DNAI2: variants seen among roughly 807,000 people sequenced by gnomAD.
The protein encoded by DNAI2 is dynein axonemal intermediate chain 2, also known as dynein, axonemal, intermediate polypeptide 2.
In DNAI2, 63 loss-of-function variants were observed where a neutral mutation model predicts 74.7. That is an observed-to-expected ratio of 0.84 (90% CI 0.69 to 1.04). DNAI2 has a LOEUF of 1.04. Among genes scored for constraint, DNAI2 ranks in the 50% least tolerant of loss-of-function variants. DNAI2 has a pLI of 0.00. For missense variants in DNAI2, 688 were observed against 803.2 expected, an observed-to-expected ratio of 0.86 and a Z score of 1.73; for synonymous variants, 289 against 314.9, an observed-to-expected ratio of 0.92 and a Z score of 0.87.
rs144755154 is a variant in DNAI2, at chr17:74,287,677, G to T, written c.467+579G>T. Among the ~76,000 whole-genome samples the T allele has an allele frequency of 5.7e-4, 87 of 152,348 alleles. 1 individual carries two copies. The East Asian group carries it at 0.014, about 24-fold the overall frequency. ...CCTGGTAAAGCGAGCGGGGCAGTCT[G>T]GGCATGGTGGCTCACGCCTGTAATC... On this transcript the variant is annotated intron_variant, in intron 4 of 13. Coordinates refer to ENST00000311014, the MANE Select transcript of DNAI2 (RefSeq NM_023036.6).
intron 9 of DNAI2, among the ~76,000 whole-genome samples, chr17:74,307,712 A>C (rs1392500189): frequency 6.7e-6 from 1 of 149,084 alleles, no homozygotes; most frequent in Non-Finnish European, 1.5e-5. Flanking sequence ...TTAAAAAAAA[A>C]AACTATTTTT....
chr17:74,309,107 G>C (rs1333010034), intron 9 of DNAI2, 146 bp from the exon 10 acceptor site: 3 of 853,732 alleles, frequency 3.5e-6, no homozygotes, highest in Non-Finnish European at 5.7e-6. Context: ...GATGAGTGAG[G>C]TCAGCACAGC....
Position 74,294,088 on chromosome 17 carries a change from C to T in DNAI2, c.724+2955C>T, listed in dbSNP as rs550269973. 1.3e-4 allele frequency among the ~76,000 whole-genome samples: 20 copies of T among 151,212 alleles called. 1 individual carries two copies. In the South Asian group the frequency reaches 4.0e-3, roughly 30 times the overall value. On this transcript the variant is annotated intron_variant, in intron 6 of 13. Transcript: ENST00000311014. Reference sequence around the variant, plus strand: ...ATGAGCCACCACGCCCAGCTTGGATCGTGGTTTTTTCCTTTTAATCTATTC... The same window carrying T: ...ATGAGCCACCACGCCCAGCTTGGATTGTGGTTTTTTCCTTTTAATCTATTC...
chr17:74,312,110 TGAG>T lies in DNAI2; in HGVS notation c.1606_1608del (p.Glu536del), dbSNP rs764106899. ...AGGGCAGGGATGAGGAGCAGACCGA[TGAG>T]GAGCTGGCCGTAGACCTGGAGGCGC... On this transcript the variant is annotated inframe_deletion, in exon 12 of 14. Transcript: ENST00000311014. The T allele has an allele frequency of 6.2e-6, 10 of 1,613,504 alleles. No individual in the cohort carries two copies. The African/African-American group carries it at 1.3e-4, about 22-fold the overall frequency.
At chr17:74,279,767 G>T (rs1465926716) in intron 1 of DNAI2, among the ~76,000 whole-genome samples, 1 of 152,198 alleles carries the variant, frequency 6.6e-6, no homozygotes, top group Non-Finnish European at 1.5e-5. Context: ...GACCTCAAGT[G>T]ATCCACCGGC....
intron 6 of DNAI2, among the ~76,000 whole-genome samples, chr17:74,293,274 G>A (rs1378262244): frequency 1.3e-5 from 2 of 152,084 alleles, no homozygotes; most frequent in Non-Finnish European, 2.9e-5. Flanking sequence ...TATTATTGTT[G>A]AATTGTCTAT....
chr17:74,296,099 C>T (rs138550758), intron 6 of DNAI2, among the ~76,000 whole-genome samples: 1 of 152,248 alleles, frequency 6.6e-6, no homozygotes, highest in African/African-American at 2.4e-5. Context: ...TCTAGACTCC[C>T]AGGAATATGT....
At chr17:74,309,732 G>A (rs1444758940) in intron 10 of DNAI2, 1 of 631,596 alleles carries the variant, frequency 1.6e-6, no homozygotes, top group Non-Finnish European at 2.8e-6. Flanking sequence ...ATGTCAGGGT[G>A]GCCAGAGCTG....
At chr17:74,305,670 C>CTTTTTTTT (rs4007906) in intron 9 of DNAI2, among the ~76,000 whole-genome samples, 1 of 122,246 alleles carries the variant, frequency 8.2e-6, no homozygotes, top group Non-Finnish European at 1.7e-5. Context: ...ATTTTATTTC[C>CTTTTTTTT]TTTTTTTTTT....
chr17:74,303,906 A>T (rs911087728), intron 8 of DNAI2, among the ~76,000 whole-genome samples: 1 of 152,082 alleles, frequency 6.6e-6, no homozygotes, highest in Admixed American at 6.6e-5. Flanking sequence ...TGTGCAGATC[A>T]CTTGAGCTTA....
chr17:74,285,780 A>G (rs1013699413), intron 3 of DNAI2, among the ~76,000 whole-genome samples: 29 of 152,250 alleles, frequency 1.9e-4, no homozygotes, highest in African/African-American at 7.0e-4. Flanking sequence ...CTTTGACTCC[A>G]TGAGGAGGGA....
At chr17:74,308,228 G>A (rs1469513687) in intron 9 of DNAI2, among the ~76,000 whole-genome samples, 1 of 152,210 alleles carries the variant, frequency 6.6e-6, no homozygotes, top group African/African-American at 2.4e-5. Flanking sequence ...ATATTGCAAT[G>A]GAGGAAGGGA....
At position 74,285,333 on chromosome 17, in the gene DNAI2, G is replaced by A. The variant is rs2051652781; in HGVS notation, c.345+132G>A. 30 of 1,163,036 alleles carry A rather than the reference G, an allele frequency of 2.6e-5. No homozygotes were observed. The South Asian group carries it at 3.7e-4, about 14-fold the overall frequency. The allele number at this position is 1,163,036 out of a possible 1,614,324, so 72.0% of individuals were successfully genotyped here. A position where few individuals can be genotyped will look rare whatever the true frequency, so the allele number is the denominator to read the frequency against. On this transcript the variant is annotated intron_variant, in intron 3 of 13. Coordinates refer to ENST00000311014, the MANE Select transcript of DNAI2 (RefSeq NM_023036.6). Reference sequence around the variant, plus strand: ...AATGCTGGGGGGAAGGGGACCAGCTGCTACCTCAAGGAGCCTTCTGTCTGG... The same window carrying A: ...AATGCTGGGGGGAAGGGGACCAGCTACTACCTCAAGGAGCCTTCTGTCTGG...
chr17:74,311,918 C>T, intron 11 of DNAI2, 85 bp from the exon 12 acceptor site: 1 of 1,319,378 alleles, frequency 7.6e-7, no homozygotes. Context: ...GAGAGCTCAG[C>T]AGAAGCCCCA....
At chr17:74,313,109 C>T (rs1273355757) in intron 12 of DNAI2, among the ~76,000 whole-genome samples, 1 of 152,172 alleles carries the variant, frequency 6.6e-6, no homozygotes, top group Non-Finnish European at 1.5e-5. Flanking sequence ...AGCGTGGGCC[C>T]TGCTGAGACA....
intron 12 of DNAI2, 22 bp from the exon 13 acceptor site, chr17:74,314,099 T>A: frequency 6.2e-7 from 1 of 1,613,856 alleles, no homozygotes; most frequent in Non-Finnish European, 8.5e-7. Context: ...CACCAACACT[T>A]CTGTGCTGTC....
intron 2 of DNAI2, among the ~76,000 whole-genome samples, chr17:74,283,967 G>A (rs987629058): frequency 5.3e-5 from 8 of 152,102 alleles, no homozygotes; most frequent in East Asian, 3.9e-4. Flanking sequence ...GTGAAACCCC[G>A]TCTCTACTAA....
chr17:74,277,441 C>T (rs996325659), intron 1 of DNAI2, among the ~76,000 whole-genome samples: 4 of 151,454 alleles, frequency 2.6e-5, no homozygotes, highest in Non-Finnish European at 5.9e-5. Context: ...CTTTCTGCAA[C>T]AGTCTGGTTA....
intron 2 of DNAI2, among the ~76,000 whole-genome samples, chr17:74,282,342 T>C (rs1247623832): frequency 6.6e-6 from 1 of 151,962 alleles, no homozygotes; most frequent in Non-Finnish European, 1.5e-5. Flanking sequence ...TCTCACTCTA[T>C]CACCCAGGAG....
Sources: gnomAD v4.1 joint callset for allele counts (sites outside exome capture counted in the v4.1 genomes callset) on GRCh38, gnomAD v4.1.1 for gene constraint, MANE v1.5 for transcripts, NCBI Gene and HGNC (gene_info 2026-07-23, HGNC 2026-07-21) for gene names.